STRN: variants seen among roughly 807,000 people sequenced by gnomAD.
The protein encoded by STRN is protein phosphatase 2 regulatory subunit B'''alpha.
In STRN, 53 loss-of-function variants were observed where a neutral mutation model predicts 96.3. That is an observed-to-expected ratio of 0.55 (90% CI 0.44 to 0.69). The LOEUF is 0.69. STRN is among the 30% of genes least tolerant of loss of function. The probability of loss-of-function intolerance (pLI) is 0.00; values close to 1 mark genes in which losing one functional copy is unlikely to be tolerated. For synonymous variants in STRN, 428 were observed against 355.9 expected (o/e 1.20, Z -2.28); for missense variants, 987 against 963.9 (o/e 1.02, Z -0.32).
intron 2 of STRN, among the ~76,000 whole-genome samples, chr2:36,920,188 T>A (rs1221591090): frequency 1.3e-5 from 2 of 152,220 alleles, no homozygotes; most frequent in East Asian, 3.8e-4. Flanking sequence ...AGACATTAGT[T>A]TCTCTATGAG....
intron 12 of STRN, among the ~76,000 whole-genome samples, chr2:36,866,057 T>C (rs1414048883): frequency 6.6e-6 from 1 of 152,146 alleles, no homozygotes; most frequent in Non-Finnish European, 1.5e-5. Flanking sequence ...TTTTGAGCAA[T>C]CTTGGTATTG....
At chr2:36,852,485 C>T (rs868711565) in intron 15 of STRN, among the ~76,000 whole-genome samples, 12 of 152,132 alleles carry the variant, frequency 7.9e-5, no homozygotes, top group African/African-American at 2.7e-4. Context: ...TAGAATTACA[C>T]GCTAAAGGAT....
At chr2:36,911,074 C>T (rs1173352096) in intron 3 of STRN, among the ~76,000 whole-genome samples, 2 of 152,098 alleles carry the variant, frequency 1.3e-5, no homozygotes, top group Non-Finnish European at 2.9e-5. Context: ...AATGGTTATG[C>T]TATTTGAATA....
At chr2:36,929,185 G>A (rs1472526496) in intron 1 of STRN, among the ~76,000 whole-genome samples, 1 of 151,972 alleles carries the variant, frequency 6.6e-6, no homozygotes, top group Non-Finnish European at 1.5e-5. Context: ...AAAAATAATA[G>A]AAGGAAGACA....
chr2:36,901,052 A>T (rs1028463158), intron 5 of STRN, among the ~76,000 whole-genome samples: 3 of 151,848 alleles, frequency 2.0e-5, no homozygotes, highest in Non-Finnish European at 4.4e-5. Flanking sequence ...TTTTCAAAAG[A>T]GATCTATTTT....
chr2:36,965,577 T>G (rs1665137871), intron 1 of STRN, among the ~76,000 whole-genome samples: 1 of 152,006 alleles, frequency 6.6e-6, no homozygotes, highest in African/African-American at 2.4e-5. Context: ...TCTCTCTGAC[T>G]GCGATCATCT....
chr2:36,868,025 G>T lies in STRN; in HGVS notation c.1500-164C>A, dbSNP rs79175458. Among the ~76,000 whole-genome samples the T allele has an allele frequency of 6.1e-3, 934 of 152,204 alleles. 9 individuals carry two copies. Among genetic ancestry groups the T allele is most frequent in the African/African-American group, 0.02 (838 of 41,538 alleles). ...ACTTAACACCAATTATACTTTCATGGCATCAAGAAACAAGATTCTTGTTTA... is the reference window on the plus strand; with the variant it reads ...ACTTAACACCAATTATACTTTCATGTCATCAAGAAACAAGATTCTTGTTTA... On this transcript the variant is annotated intron_variant, in intron 11 of 17. Transcript: ENST00000263918.
chr2:36,887,441 G>A (rs918990199), intron 7 of STRN, among the ~76,000 whole-genome samples: 1 of 151,628 alleles, frequency 6.6e-6, no homozygotes, highest in Non-Finnish European at 1.5e-5. Flanking sequence ...TTGCACTCCC[G>A]CCTGGGCAAC....
chr2:36,924,102 A>G (rs904626689), intron 2 of STRN, among the ~76,000 whole-genome samples: 1 of 152,200 alleles, frequency 6.6e-6, no homozygotes, highest in Non-Finnish European at 1.5e-5. Flanking sequence ...CACGCCTGTA[A>G]TCCCAGCACT....
At chr2:36,873,616 T>C (rs535280346) in intron 10 of STRN, among the ~76,000 whole-genome samples, 4 of 152,008 alleles carry the variant, frequency 2.6e-5, no homozygotes, top group African/African-American at 9.6e-5. Flanking sequence ...AAAGACAAGA[T>C]TGAAAATTTT....
chr2:36,861,637 T>A (rs1271804235), intron 12 of STRN, among the ~76,000 whole-genome samples: 5 of 152,194 alleles, frequency 3.3e-5, no homozygotes, highest in Non-Finnish European at 7.3e-5. Flanking sequence ...TGACTCTTTA[T>A]ATAAAAAGTA....
At chr2:36,951,029 T>C (rs1025702594) in intron 1 of STRN, among the ~76,000 whole-genome samples, 6 of 152,116 alleles carry the variant, frequency 3.9e-5, no homozygotes, top group Admixed American at 1.3e-4. Context: ...TAATGATAAC[T>C]AGATATTTAA....
intron 11 of STRN, among the ~76,000 whole-genome samples, chr2:36,868,272 C>G (rs1392874396): frequency 6.6e-6 from 1 of 152,122 alleles, no homozygotes; most frequent in African/African-American, 2.4e-5. Flanking sequence ...GGAATAACAC[C>G]AAATAATCAC....
chr2:36,875,753 T>C (rs1356691767), intron 10 of STRN, among the ~76,000 whole-genome samples: 1 of 150,434 alleles, frequency 6.6e-6, no homozygotes, highest in African/African-American at 2.4e-5. Context: ...GCCTCCCGGG[T>C]TCACGCCATT....
At chr2:36,954,795 G>A (rs547742607) in intron 1 of STRN, among the ~76,000 whole-genome samples, 5 of 151,848 alleles carry the variant, frequency 3.3e-5, no homozygotes, top group East Asian at 2.0e-4. Context: ...GTGCCACAAC[G>A]CCCAGCTAAT....
At chr2:36,894,962 A>C (rs1402950811) in intron 6 of STRN, among the ~76,000 whole-genome samples, 1 of 152,192 alleles carries the variant, frequency 6.6e-6, no homozygotes, top group Admixed American at 6.5e-5. Context: ...CCAAGAAGCC[A>C]CTACCAACAG....
chr2:36,949,628 C>T (rs1238169760), intron 1 of STRN, among the ~76,000 whole-genome samples: 7 of 152,130 alleles, frequency 4.6e-5, no homozygotes, highest in Admixed American at 2.0e-4. Flanking sequence ...AAACCTAATG[C>T]ATGGCTAGAA....
chr2:36,964,721 CT>C (rs750093622), intron 1 of STRN, among the ~76,000 whole-genome samples: 7 of 152,236 alleles, frequency 4.6e-5, no homozygotes, highest in Non-Finnish European at 7.3e-5. Flanking sequence ...ATAGCTGCCC[CT>C]ATCACACGCT....
Position 36,880,692 on chromosome 2 carries a change from T to G in STRN, c.1187-2665A>C, listed in dbSNP as rs145523865. 4.5e-3 allele frequency among the ~76,000 whole-genome samples: 679 copies of G among 152,328 alleles called. 3 individuals are homozygous for G. The highest frequency in any genetic ancestry group is 7.5e-3 in the Non-Finnish European group (508 of 68,024). The stretch of plus-strand genomic sequence containing the variant: ...GCAATTTTCAGGTCAAAAATATCAG[T>G]TGAATGACTCATGTGAGACTATGAT... On this transcript the variant is annotated intron_variant, in intron 9 of 17. Coordinates refer to ENST00000263918, the MANE Select transcript of STRN (RefSeq NM_003162.4).
Sources: allele counts gnomAD v4.1 joint callset (sites outside exome capture counted in the v4.1 genomes callset), GRCh38; gene constraint gnomAD v4.1.1; transcripts MANE v1.5; gene names NCBI Gene and HGNC (gene_info 2026-07-23, HGNC 2026-07-21).